The following ATP7A variants were observed in gnomAD, a reference collection of about 807,000 sequenced individuals.
ATP7A encodes ATPase copper transporting alpha, also known as copper-transporting ATPase 1.
Under a neutral mutation model 83.5 loss-of-function variants are expected in ATP7A, and 7 were observed. The ratio of observed to expected loss-of-function variants is 0.08; its 90% CI spans 0.05 to 0.16. ATP7A has a LOEUF of 0.16. Ranked by LOEUF, ATP7A falls within the 10% of genes least tolerant of loss-of-function variation. ATP7A has a pLI of 1.00. For missense variants in ATP7A, 940 were observed against 1,120.8 expected (o/e 0.84, Z 2.30); for synonymous variants, 354 against 395.2 (o/e 0.90, Z 1.24).
At chrX:77,930,571 A>C (rs1557224062) in intron 1 of ATP7A, among the ~76,000 whole-genome samples, 1 of 111,933 alleles carries the variant, frequency 8.9e-6, no homozygotes, top group African/African-American at 3.2e-5. Flanking sequence ...ACTGAAATGC[A>C]TAGTGGTTAA....
rs1356216590 is a variant in ATP7A, at chrX:78,046,507, T to C, written c.4440T>C (p.Ser1480=). The C allele has an allele frequency of 2.5e-6, 3 of 1,209,589 alleles. No individual in the cohort carries two copies. The African/African-American group carries it at 5.3e-5, about 21-fold the overall frequency. The change falls in exon 23 of 23, where the codon AGT becomes AGC. Residue 1480 remains serine, a synonymous_variant. Transcript: ENST00000341514. ...DKRSLNSVVT[S]EPDKHSLLVG... The stretch of plus-strand genomic sequence containing the variant: ...GCTCCCTAAACAGTGTTGTTACCAG[T>C]GAACCTGACAAGCACTCACTCCTGG...
At chrX:78,038,739 T>C in intron 17 of ATP7A, 97 bp from the exon 18 acceptor site, 5 of 954,595 alleles carry the variant, frequency 5.2e-6, no homozygotes, top group Non-Finnish European at 7.4e-6. Flanking sequence ...CAATACAATG[T>C]AGTGACTGTG....
At chrX:78,043,160 G>A (rs112987576) in intron 20 of ATP7A, among the ~76,000 whole-genome samples, 157 bp from the exon 21 acceptor site, 90 of 112,290 alleles carry the variant, frequency 8.0e-4, no homozygotes, top group African/African-American at 2.8e-3. Context: ...AAACACCTTC[G>A]GAAGCTGAGT....
intron 1 of ATP7A, among the ~76,000 whole-genome samples, chrX:77,949,639 G>T (rs2077402717): frequency 8.9e-6 from 1 of 112,086 alleles, no homozygotes. Context: ...CAAGGAGTGT[G>T]CATCTAAGTA....
intron 1 of ATP7A, among the ~76,000 whole-genome samples, chrX:77,929,535 TAGA>T (rs1224833275): frequency 8.9e-6 from 1 of 111,851 alleles, no homozygotes. Context: ...GAATCTTCTC[TAGA>T]AGGAGAAAAG....
chrX:77,932,391 G>A (rs2077291530), intron 1 of ATP7A, among the ~76,000 whole-genome samples: 1 of 108,901 alleles, frequency 9.2e-6, no homozygotes, highest in African/African-American at 3.4e-5. Flanking sequence ...TGGGATGGCG[G>A]CCGGGCAGAG....
rs782764713 is a variant in ATP7A at position 77,937,339 on chromosome X, T to G, written c.-22+26504T>G. 6.2e-5 allele frequency among the ~76,000 whole-genome samples: 7 copies of G among 112,600 alleles called. No homozygotes were observed. In the East Asian group the frequency reaches 1.4e-3, roughly 22 times the overall value. On this transcript the variant is annotated intron_variant, in intron 1 of 22. Coordinates refer to ENST00000341514, the MANE Select transcript of ATP7A (RefSeq NM_000052.7). ...AAGTGTGCAGAGCAACTGGAACTTTTATACGTTTCTGATGGGAATACAAAA... is the reference window on the plus strand; with the variant it reads ...AAGTGTGCAGAGCAACTGGAACTTTGATACGTTTCTGATGGGAATACAAAA...
intron 1 of ATP7A, among the ~76,000 whole-genome samples, chrX:77,935,547 A>G (rs2077315996): frequency 8.9e-6 from 1 of 112,472 alleles, no homozygotes; most frequent in Non-Finnish European, 1.9e-5. Context: ...GATTTAAAAT[A>G]TTGTAAGCAT....
chrX:77,982,342 GC>G (rs1312419395), intron 2 of ATP7A, among the ~76,000 whole-genome samples: 1 of 111,965 alleles, frequency 8.9e-6, no homozygotes, highest in Non-Finnish European at 1.9e-5. Context: ...TGAGCAGCAT[GC>G]TAACCTGAAT....
In ATP7A at chrX:77,989,585, T is replaced by C. The variant is rs1557231829; in HGVS notation, c.963T>C (p.Tyr321=). The change falls in exon 4 of 23, where the codon TAT becomes TAC. Residue 321 remains tyrosine, a synonymous_variant. Transcript: ENST00000341514. ...AGAATAGGTCTGCCATTGTGAAGTATAATGCAAGCTCAGTCACTCCAGAAT... is the reference window on the plus strand; with the variant it reads ...AGAATAGGTCTGCCATTGTGAAGTACAATGCAAGCTCAGTCACTCCAGAAT... ...SLENRSAIVK[Y]NASSVTPESL... 2 of 1,211,832 alleles carry C rather than the reference T, an allele frequency of 1.7e-6. No homozygotes were observed. Among genetic ancestry groups the C allele is most frequent in the Admixed American group, 4.3e-5 (2 of 46,026 alleles).
chrX:78,000,174 A>G (rs1652202422), intron 5 of ATP7A, among the ~76,000 whole-genome samples: 1 of 110,893 alleles, frequency 9.0e-6, no homozygotes, highest in Admixed American at 9.7e-5. Context: ...TCAGTTCAAT[A>G]TTACCTTGTC....
At chrX:77,944,825 T>C (rs1299441467) in intron 1 of ATP7A, among the ~76,000 whole-genome samples, 2 of 107,942 alleles carry the variant, frequency 1.9e-5, no homozygotes, top group East Asian at 5.8e-4. Context: ...TATGTATGTA[T>C]GTATGTGTGT....
At chrX:77,943,824 T>A (rs782459154) in intron 1 of ATP7A, among the ~76,000 whole-genome samples, 1 of 111,912 alleles carries the variant, frequency 8.9e-6, no homozygotes, top group South Asian at 3.6e-4. Context: ...CACCATAATT[T>A]ATTTATCTAT....
chrX:77,956,960 C>A (rs781943647), intron 1 of ATP7A, among the ~76,000 whole-genome samples: 8 of 109,051 alleles, frequency 7.3e-5, no homozygotes, highest in Non-Finnish European at 1.3e-4. Context: ...CTACACCTGG[C>A]TAATTTTTGT....
chrX:77,967,075 CA>C (rs1557228858), intron 1 of ATP7A, among the ~76,000 whole-genome samples: 4 of 111,696 alleles, frequency 3.6e-5, no homozygotes, highest in African/African-American at 1.3e-4. Context: ...CTGCAAAGGA[CA>C]TGATCTCATT....
At chrX:77,931,828 C>G (rs1603371652) in intron 1 of ATP7A, among the ~76,000 whole-genome samples, 1 of 93,338 alleles carries the variant, frequency 1.1e-5, no homozygotes, top group Admixed American at 1.2e-4. Flanking sequence ...GGCTGACCCC[C>G]CCCACCTCCC....
At chrX:77,979,994 G>T (rs1156551096) in intron 2 of ATP7A, among the ~76,000 whole-genome samples, 3 of 112,221 alleles carry the variant, frequency 2.7e-5, no homozygotes, top group African/African-American at 9.7e-5. Flanking sequence ...GGCAGATAAT[G>T]TGAAGATCTT....
intron 1 of ATP7A, among the ~76,000 whole-genome samples, chrX:77,937,950 G>T (rs782636220): frequency 1.9e-5 from 2 of 105,632 alleles, no homozygotes; most frequent in African/African-American, 7.0e-5. Context: ...TCTCTCTCTC[G>T]CCAATTGTCA....
In ATP7A at chrX:77,968,955, C is replaced by T. The variant is rs144589617; in HGVS notation, c.-21-2666C>T. 4 of 1,209,137 alleles carry T rather than the reference C, an allele frequency of 3.3e-6. No homozygotes were observed. The African/African-American group carries it at 7.0e-5, about 21-fold the overall frequency. ...CTTCATCCCCCAGAAACTGCATGGG[C>T]TTGATAGGCTTCAAGTTCTTGTCCA... On this transcript the variant is annotated intron_variant, in intron 1 of 22. Transcript: ENST00000341514.
Sources: allele counts gnomAD v4.1 joint callset (sites outside exome capture counted in the v4.1 genomes callset), GRCh38; gene constraint gnomAD v4.1.1; transcripts MANE v1.5; gene names NCBI Gene and HGNC (gene_info 2026-07-23, HGNC 2026-07-21).